Variants in MNAT1 observed in about 807,000 individuals in gnomAD.
MNAT1 encodes the protein CDK-activating kinase assembly factor MAT1.
MNAT1 carries 43 observed loss-of-function variants against 42.0 expected under a neutral mutation model. That is an observed-to-expected ratio of 1.02 (90% confidence interval 0.80 to 1.32). The LOEUF (loss-of-function observed/expected upper bound fraction) is 1.32, where lower values mean the gene tolerates loss of function less well. MNAT1 is among the 40% of genes most tolerant of loss of function. The probability of loss-of-function intolerance (pLI) is 0.00; values close to 1 mark genes in which losing one functional copy is unlikely to be tolerated. For missense variants in MNAT1, 306 were observed against 350.4 expected, an observed-to-expected ratio of 0.87 and a Z score of 1.01; for synonymous variants, 118 against 120.0, an observed-to-expected ratio of 0.98 and a Z score of 0.11.
At chr14:60,876,878 G>A (rs574967688) in intron 6 of MNAT1, among the ~76,000 whole-genome samples, 1 of 152,104 alleles carries the variant, frequency 6.6e-6, no homozygotes, top group African/African-American at 2.4e-5. Flanking sequence ...TGAAAATAAT[G>A]CTGCTGTAAA....
chr14:60,822,058 CTG>C (rs1455185697), intron 6 of MNAT1, among the ~76,000 whole-genome samples: 1 of 152,096 alleles, frequency 6.6e-6, no homozygotes, highest in Non-Finnish European at 1.5e-5. Flanking sequence ...TTCTCTTCTT[CTG>C]TGTTCTTATC....
intron 6 of MNAT1, among the ~76,000 whole-genome samples, chr14:60,831,542 G>A (rs1032352981): frequency 6.6e-6 from 1 of 152,170 alleles, no homozygotes; most frequent in Admixed American, 6.5e-5. Context: ...ATTCCATGGT[G>A]TATACGTGCC....
At position 60,808,428 on chromosome 14, in the gene MNAT1, G is replaced by A; in HGVS notation, c.420G>A (p.Leu140=). Residue 140 remains leucine, a splice_region_variant and synonymous_variant, in exon 4 of 8, where the codon CTG becomes CTA. Coordinates refer to ENST00000261245, the MANE Select transcript of MNAT1 (RefSeq NM_002431.4). ...KDVIQKNKLK[L]TREQEELEEA... ...TTATTCAGAAAAATAAATTAAAGCT[G>A]GTCGGTTGCTAAGTATTTTCTTCTT... The A allele has an allele frequency of 6.7e-7, 1 of 1,493,996 alleles. No individual in the cohort carries two copies. Among genetic ancestry groups the A allele is most frequent in the Non-Finnish European group, 9.1e-7 (1 of 1,102,480 alleles). The allele number at this position is 1,493,996 out of a possible 1,614,324, so 92.5% of individuals were successfully genotyped here. A position where few individuals can be genotyped will look rare whatever the true frequency, so the allele number is the denominator to read the frequency against.
At chr14:60,886,404 G>T (rs1426414871) in intron 7 of MNAT1, among the ~76,000 whole-genome samples, 2 of 151,750 alleles carry the variant, frequency 1.3e-5, no homozygotes, top group Non-Finnish European at 2.9e-5. Flanking sequence ...TATTTATGTT[G>T]TCTTCAGTGT....
At chr14:60,747,397 A>G (rs2029883707) in intron 1 of MNAT1, among the ~76,000 whole-genome samples, 2 of 152,180 alleles carry the variant, frequency 1.3e-5, no homozygotes, top group Admixed American at 6.5e-5. Flanking sequence ...AGTCTATTAT[A>G]TACCTAAGCT....
rs200308364 is a variant in MNAT1 at position 60,965,318 on chromosome 14, AC to A, written c.810-2910del. On this transcript the variant is annotated intron_variant, in intron 7 of 7. Transcript: ENST00000261245. Reference sequence around the variant, plus strand: ...TTCAAGCACTAATCATTTAGATAAAACTTTTTTTACACATTTATGGCATCAA... The same window carrying A: ...TTCAAGCACTAATCATTTAGATAAAATTTTTTTACACATTTATGGCATCAA... Among the ~76,000 whole-genome samples the A allele has an allele frequency of 4.4e-4, 67 of 152,348 alleles. 1 individual carries two copies. The East Asian group carries it at 0.012, about 28-fold the overall frequency.
intron 7 of MNAT1, among the ~76,000 whole-genome samples, chr14:60,911,519 T>C (rs904545673): frequency 2.6e-5 from 4 of 152,210 alleles, no homozygotes; most frequent in Non-Finnish European, 5.9e-5. Flanking sequence ...TTCTGGTATG[T>C]TGTGTCTTTG....
chr14:60,875,109 C>G (rs1207826838), intron 6 of MNAT1, among the ~76,000 whole-genome samples: 1 of 152,000 alleles, frequency 6.6e-6, no homozygotes, highest in Non-Finnish European at 1.5e-5. Flanking sequence ...TTATTTCTCT[C>G]TAAATGTTAT....
In MNAT1 at chr14:60,948,086, G is replaced by A. The variant is rs748897207; in HGVS notation, c.810-20143G>A. Among the ~76,000 whole-genome samples the A allele has an allele frequency of 3.9e-5, 6 of 151,998 alleles. No individual in the cohort carries two copies. In the South Asian group the frequency reaches 1.2e-3, roughly 32 times the overall value. The stretch of plus-strand genomic sequence containing the variant: ...AAATTTCTAAAATTCAAGCCCAATC[G>A]CATTATTCACCTGCTGACATTTTTC... On this transcript the variant is annotated intron_variant, in intron 7 of 7. Coordinates refer to ENST00000261245, the MANE Select transcript of MNAT1 (RefSeq NM_002431.4).
chr14:60,779,611 C>G (rs2031378794), intron 1 of MNAT1, among the ~76,000 whole-genome samples: 1 of 151,998 alleles, frequency 6.6e-6, no homozygotes, highest in South Asian at 2.1e-4. Flanking sequence ...CATGGTGAGA[C>G]CCCGTCTCCA....
intron 6 of MNAT1, among the ~76,000 whole-genome samples, chr14:60,836,254 T>C (rs1469100620): frequency 5.3e-5 from 8 of 152,198 alleles, no homozygotes; most frequent in African/African-American, 9.6e-5. Flanking sequence ...ATCAAACTCA[T>C]TCTCTGTCCA....
At chr14:60,745,598 A>G (rs1422440286) in intron 1 of MNAT1, among the ~76,000 whole-genome samples, 2 of 151,846 alleles carry the variant, frequency 1.3e-5, no homozygotes, top group Non-Finnish European at 2.9e-5. Flanking sequence ...TGTATTTTTA[A>G]TAGAGATGGG....
chr14:60,885,455 C>T (rs2034644278), intron 7 of MNAT1, among the ~76,000 whole-genome samples: 1 of 151,898 alleles, frequency 6.6e-6, no homozygotes, highest in African/African-American at 2.4e-5. Flanking sequence ...TCTGCTTAAT[C>T]AATTCTGCTA....
At chr14:60,924,459 AT>A (rs377644206) in intron 7 of MNAT1, among the ~76,000 whole-genome samples, 5 of 150,306 alleles carry the variant, frequency 3.3e-5, no homozygotes, top group African/African-American at 7.3e-5. Context: ...GTGGGGAAGC[AT>A]TTTTTTTTCT....
chr14:60,881,850 C>A (rs764968122), intron 7 of MNAT1, among the ~76,000 whole-genome samples: 1 of 151,794 alleles, frequency 6.6e-6, no homozygotes, highest in African/African-American at 2.4e-5. Context: ...CTATAGTCAC[C>A]CTGTTGTTCT....
chr14:60,946,457 C>G (rs970426167), intron 7 of MNAT1, among the ~76,000 whole-genome samples: 1 of 152,112 alleles, frequency 6.6e-6, no homozygotes, highest in Non-Finnish European at 1.5e-5. Context: ...ACCCTTCTAT[C>G]GAACCATTCT....
intron 1 of MNAT1, among the ~76,000 whole-genome samples, chr14:60,777,512 G>A (rs2031296480): frequency 6.6e-6 from 1 of 151,670 alleles, no homozygotes; most frequent in South Asian, 2.1e-4. Context: ...AAAGGTATTT[G>A]ATTTAATCTC....
At position 60,800,389 on chromosome 14, in the gene MNAT1, T is replaced by C. The variant is rs185729627; in HGVS notation, c.316+2229T>C. ...CATAATGAGATCTATACCAAAATTT[T>C]AAAAAGTAGCTGGGTGTAGTGGCAC... On this transcript the variant is annotated intron_variant, in intron 3 of 7. Coordinates refer to ENST00000261245, the MANE Select transcript of MNAT1 (RefSeq NM_002431.4). Among the ~76,000 whole-genome samples the C allele has an allele frequency of 2.2e-4, 34 of 152,098 alleles. No individual in the cohort carries two copies. In the East Asian group the frequency reaches 6.4e-3, roughly 29 times the overall value.
At chr14:60,850,379 G>A (rs1355220488) in intron 6 of MNAT1, among the ~76,000 whole-genome samples, 2 of 152,100 alleles carry the variant, frequency 1.3e-5, no homozygotes, top group African/African-American at 2.4e-5. Context: ...CTGCATAGTA[G>A]TAACATGTAC....
Sources: gnomAD v4.1 joint callset for allele counts (sites outside exome capture counted in the v4.1 genomes callset) on GRCh38, gnomAD v4.1.1 for gene constraint, MANE v1.5 for transcripts, NCBI Gene and HGNC (gene_info 2026-07-23, HGNC 2026-07-21) for gene names.